The following PLAAT1 variants were observed in gnomAD, a reference collection of about 807,000 sequenced individuals.
PLAAT1 encodes the protein H-REV107 protein-related protein.
A neutral mutation model predicts 16.4 loss-of-function variants in PLAAT1; 13 were observed. The observed-to-expected ratio is 0.79, with a 90% CI of 0.52 to 1.26. The LOEUF (loss-of-function observed/expected upper bound fraction) is 1.26. Ranked by LOEUF, PLAAT1 falls within the 50% of genes most tolerant of loss-of-function variation. The probability of loss-of-function intolerance (pLI) is 0.00; values close to 1 mark genes in which losing one functional copy is unlikely to be tolerated. For synonymous variants in PLAAT1, 73 were observed against 78.4 expected (o/e 0.93, Z 0.36); for missense variants, 218 against 207.8 (o/e 1.05, Z -0.30).
At chr3:193,255,832 G>A (rs775590570) in intron 2 of PLAAT1, 43 bp downstream of exon 2, 25 of 1,495,346 alleles carry the variant, frequency 1.7e-5, no homozygotes, top group Non-Finnish European at 2.2e-5. Context: ...AAGTTTTAGT[G>A]TTCTTGTTAC....
chr3:193,270,902 G>GAA, downstream of PLAAT1: 1 of 1,209,796 alleles, frequency 8.3e-7, no homozygotes, highest in Non-Finnish European at 1.0e-6. Context: ...TAGATGTACT[G>GAA]TGGCAGCTTG....
In PLAAT1 at chr3:193,270,590, T is replaced by C. The variant is rs749404114; in HGVS notation, c.406-14T>C. 9 of 1,607,830 alleles carry C rather than the reference T, an allele frequency of 5.6e-6. No homozygotes were observed. The South Asian group carries it at 1.0e-4, about 18-fold the overall frequency. ...ATATGATGTGTTTTTTGTTTACTTC[T>C]TGTTTCCTTATAGGCCAACCGAGCG... On this transcript the variant is annotated splice_polypyrimidine_tract_variant and intron_variant, in intron 3 of 3. Transcript: ENST00000264735.
Position 193,263,005 on chromosome 3 carries a change from G to C in PLAAT1, c.175G>C (p.Val59Leu), listed in dbSNP as rs1716642396. The stretch of plus-strand genomic sequence containing the variant: ...TGCGTCCTTTACAAGCGCCAAGTCT[G>C]TATTCAGCAGTAAGGCCCTGGTGAA... ...IPASFTSAKS[V>L]FSSKALVKMQ... The change falls in exon 3 of 4, where the codon GTA (valine) becomes CTA (leucine). Residue 59 changes from valine to leucine, a missense_variant. Val to Leu is a conservative substitution (Grantham distance 32). Transcript: ENST00000264735. 3.7e-6 allele frequency: 6 copies of C among 1,614,158 alleles called. No homozygotes were observed. The highest frequency in any genetic ancestry group is 5.1e-6 in the Non-Finnish European group (6 of 1,180,024).
intron 3 of PLAAT1, among the ~76,000 whole-genome samples, chr3:193,267,185 T>C (rs573779279): frequency 3.9e-5 from 6 of 152,274 alleles, no homozygotes; most frequent in Admixed American, 1.3e-4. Flanking sequence ...ATTGTGAAAA[T>C]TGATGAACCA....
At chr3:193,255,124 T>G (rs563268622) in intron 1 of PLAAT1, among the ~76,000 whole-genome samples, 33 of 152,344 alleles carry the variant, frequency 2.2e-4, no homozygotes, top group Non-Finnish European at 4.1e-4. Flanking sequence ...ACTTCTGATC[T>G]GATTTTATTG....
chr3:193,245,548 T>C (rs1715950305), intron 1 of PLAAT1, among the ~76,000 whole-genome samples: 1 of 152,236 alleles, frequency 6.6e-6, no homozygotes, highest in African/African-American at 2.4e-5. Context: ...CATTTGGTTA[T>C]ATACCCAGAA....
Position 193,242,649 on chromosome 3 carries a change from GA to G in PLAAT1, c.-1+1117del, listed in dbSNP as rs554860095. Among the ~76,000 whole-genome samples the G allele has an allele frequency of 7.6e-4, 115 of 152,302 alleles. 1 individual carries two copies. In the South Asian group the frequency reaches 0.023, roughly 30 times the overall value. ...CCCTGGAAGATTCCAAGCAAGGCAT[GA>G]CAGTGCTGTGGCAGCGGATAGTTAA... On this transcript the variant is annotated intron_variant, in intron 1 of 3. Transcript: ENST00000264735.
chr3:193,249,917 A>G (rs973439560), intron 1 of PLAAT1, among the ~76,000 whole-genome samples: 10 of 152,026 alleles, frequency 6.6e-5, no homozygotes, highest in African/African-American at 2.4e-4. Flanking sequence ...ACCTCAATAA[A>G]AATTGTTATG....
At chr3:193,241,118 C>CGGCGGGCGGGCGGGCG (rs3048407), upstream of PLAAT1, 73 of 852,580 alleles carry the variant, frequency 8.6e-5, no homozygotes, top group Admixed American at 1.5e-4. Flanking sequence ...TGCAGTTCCC[C>CGGCGGGCGGGCGGGCG]GGCGGGCGGG....
chr3:193,241,220 T>A (rs1159185231), upstream of PLAAT1: 21 of 1,223,496 alleles, frequency 1.7e-5, 1 homozygote, highest in East Asian at 6.4e-5. Flanking sequence ...CGGCTCCCCA[T>A]GGTCAGAGCC....
At chr3:193,261,067 A>G (rs770964031) in intron 2 of PLAAT1, among the ~76,000 whole-genome samples, 60 of 152,326 alleles carry the variant, frequency 3.9e-4, no homozygotes, top group Admixed American at 1.2e-3. Context: ...AAATTAATTT[A>G]TTAACAAAAA....
chr3:193,279,999 A>AAAG (rs1176459811), downstream of PLAAT1, among the ~76,000 whole-genome samples: 1 of 149,602 alleles, frequency 6.7e-6, no homozygotes, highest in African/African-American at 2.4e-5. Context: ...AAAAAAAAAA[A>AAAG]AAAAGCCCTG....
At chr3:193,249,809 A>G (rs1295741995) in intron 1 of PLAAT1, among the ~76,000 whole-genome samples, 1 of 151,316 alleles carries the variant, frequency 6.6e-6, no homozygotes, top group South Asian at 2.1e-4. Context: ...TTTTCATTTC[A>G]GTTATATTAT....
chr3:193,244,080 T>G (rs1300869142), intron 1 of PLAAT1, among the ~76,000 whole-genome samples: 6 of 152,216 alleles, frequency 3.9e-5, no homozygotes, highest in African/African-American at 7.2e-5. Context: ...CTAAGTAGTA[T>G]TCCATGGTAG....
At chr3:193,279,366 C>CTTGAAAGTTATA, downstream of PLAAT1, 2 of 1,611,402 alleles carry the variant, frequency 1.2e-6, no homozygotes, top group African/African-American at 1.3e-5. Flanking sequence ...TGCCACTTAC[C>CTTGAAAGTTATA]TCCATTCCAC....
At chr3:193,275,276 G>T, downstream of PLAAT1, 1 of 1,613,766 alleles carries the variant, frequency 6.2e-7, no homozygotes, top group Non-Finnish European at 8.5e-7. Flanking sequence ...TCAACAGCCA[G>T]AGTTCATGAT....
At chr3:193,265,180 T>C (rs1398676728) in intron 3 of PLAAT1, among the ~76,000 whole-genome samples, 3 of 152,196 alleles carry the variant, frequency 2.0e-5, no homozygotes, top group African/African-American at 7.2e-5. Context: ...ATGAAACACA[T>C]GTCCACGTGG....
At chr3:193,277,622 A>T (rs759960702) in intron 2 of PLAAT1, 1 of 152,068 alleles carries the variant, frequency 6.6e-6, no homozygotes, top group Admixed American at 6.6e-5. Context: ...ATACTTTGTC[A>T]TTTTTTTCCC....
chr3:193,247,340 A>G (rs1235220310), intron 1 of PLAAT1, among the ~76,000 whole-genome samples: 1 of 152,150 alleles, frequency 6.6e-6, no homozygotes, highest in African/African-American at 2.4e-5. Flanking sequence ...CAGCACACTA[A>G]GGGCCCACAT....
Sources: gnomAD v4.1 joint callset for allele counts (sites outside exome capture counted in the v4.1 genomes callset) on GRCh38, gnomAD v4.1.1 for gene constraint, MANE v1.5 for transcripts, NCBI Gene and HGNC (gene_info 2026-07-23, HGNC 2026-07-21) for gene names.